Variants in BAG3 observed in about 807,000 individuals in gnomAD.
The protein encoded by BAG3 is BAG family molecular chaperone regulator 3.
In BAG3, 14 loss-of-function variants were observed where a neutral mutation model predicts 40.5. The observed-to-expected ratio is 0.35, with a 90% CI of 0.23 to 0.54. The LOEUF (loss-of-function observed/expected upper bound fraction) is 0.54, where lower values mean the gene tolerates loss of function less well. Ranked by LOEUF, BAG3 falls within the 20% of genes least tolerant of loss-of-function variation. BAG3 has a pLI of 0.91. For synonymous variants in BAG3, 302 were observed against 307.8 expected (o/e 0.98, Z 0.20); for missense variants, 788 against 758.6 (o/e 1.04, Z -0.46).
chr10:119,665,128 A>G (rs12779211), intron 1 of BAG3, among the ~76,000 whole-genome samples: 15,630 of 62,006 alleles, frequency 0.25, 1,728 homozygotes, highest in South Asian at 0.34. Flanking sequence ...GTGTGTGTGT[A>G]TATATATATA....
intron 1 of BAG3, among the ~76,000 whole-genome samples, chr10:119,652,440 C>CAT (rs1341655245): frequency 4.3e-4 from 65 of 152,252 alleles, no homozygotes; most frequent in East Asian, 1.9e-3. Context: ...TCAAAACATT[C>CAT]ATATATATAT....
In BAG3 at chr10:119,665,136, A is replaced by AT. The variant is rs1430985995; in HGVS notation, c.181-4714dup. Among the ~76,000 whole-genome samples the AT allele has an allele frequency of 3.6e-3, 266 of 73,162 alleles. 5 individuals are homozygous for AT. Among genetic ancestry groups the AT allele is most frequent in the African/African-American group, 0.012 (235 of 19,076 alleles). 48.0% of individuals were successfully genotyped at this position (73,162 alleles called of 152,430 possible). On this transcript the variant is annotated intron_variant, in intron 1 of 3. Coordinates refer to ENST00000369085, the MANE Select transcript of BAG3 (RefSeq NM_004281.4). ...TGTGTGTGTGTGTGTGTATATATAT[A>AT]TATATATATTTTTTTTTTTAGTTGG...
rs747820097 is a variant in BAG3, at chr10:119,651,808, C to T, written c.133C>T (p.Arg45Cys). ...GWPFFVDHNS[R>C]TTTWNDPRVP... ...GCCCTTCTTCGTGGACCACAACAGC[C>T]GCACCACTACGTGGAACGACCCGCG... is the stretch of plus-strand genomic sequence containing the variant. Residue 45 changes from arginine to cysteine, a missense_variant, in exon 1 of 4, where the codon CGC becomes TGC. Physicochemically the swap from Arg to Cys is radical, Grantham distance 180. Transcript: ENST00000369085. The T allele has an allele frequency of 1.5e-5, 24 of 1,597,936 alleles. No homozygotes were observed. Among genetic ancestry groups the T allele is most frequent in the African/African-American group, 5.4e-5 (4 of 73,458 alleles).
chr10:119,657,684 A>G (rs1846931831), intron 1 of BAG3: 1 of 460,276 alleles, frequency 2.2e-6, no homozygotes, highest in Admixed American at 2.5e-5. Flanking sequence ...TTCTCTGCAC[A>G]AAGGACTTCA....
In BAG3 at chr10:119,677,126, C is replaced by T; in HGVS notation, c.1572C>T (p.Ile524=). 6.2e-7 allele frequency: 1 copy of T among 1,614,154 alleles called. No individual in the cohort carries two copies. The highest frequency in any genetic ancestry group is 8.5e-7 in the Non-Finnish European group (1 of 1,180,030). ...NLEADQPLQA[I]MEMGAVAADK... is the part of the protein sequence containing the mutation. ...AAGCAGATCAGCCACTGCAGGCAATCATGGAGATGGGTGCCGTGGCAGCAG... is the reference window on the plus strand; with the variant it reads ...AAGCAGATCAGCCACTGCAGGCAATTATGGAGATGGGTGCCGTGGCAGCAG... Residue 524 remains isoleucine (I), a synonymous_variant, in exon 4 of 4, where the codon ATC becomes ATT. Coordinates refer to ENST00000369085, the MANE Select transcript of BAG3 (RefSeq NM_004281.4).
chr10:119,652,634 C>T (rs988968736), intron 1 of BAG3, among the ~76,000 whole-genome samples: 42 of 152,290 alleles, frequency 2.8e-4, no homozygotes, highest in African/African-American at 1.0e-3. Context: ...CATTGCCTCA[C>T]ACTGGAGAGA....
chr10:119,667,097 C>T (rs1316300253), intron 1 of BAG3, among the ~76,000 whole-genome samples: 1 of 152,194 alleles, frequency 6.6e-6, no homozygotes, highest in Non-Finnish European at 1.5e-5. Context: ...CTGCCTCAGC[C>T]TCCTGAATAG....
chr10:119,655,562 T>C (rs958291618), intron 1 of BAG3, among the ~76,000 whole-genome samples: 1 of 152,208 alleles, frequency 6.6e-6, no homozygotes, highest in Non-Finnish European at 1.5e-5. Flanking sequence ...TCTTTCCAGA[T>C]CTATTGCAAG....
chr10:119,653,763 A>C (rs1846874157), intron 1 of BAG3, among the ~76,000 whole-genome samples: 1 of 152,206 alleles, frequency 6.6e-6, no homozygotes, highest in South Asian at 2.1e-4. Context: ...GTGACTTTGA[A>C]GGTCATCCAG....
intron 1 of BAG3, among the ~76,000 whole-genome samples, chr10:119,656,953 G>A (rs1455434538): frequency 6.6e-6 from 1 of 152,110 alleles, no homozygotes; most frequent in Admixed American, 6.5e-5. Context: ...AGACTTCTGT[G>A]GCTTTACCCC....
chr10:119,671,915 A>C (rs925584899), intron 2 of BAG3, among the ~76,000 whole-genome samples: 1 of 152,156 alleles, frequency 6.6e-6, no homozygotes, highest in Non-Finnish European at 1.5e-5. Context: ...CAGCCTCCTG[A>C]GTAGCTGGCA....
In BAG3 at chr10:119,651,385, C is replaced by G; in HGVS notation, c.-291C>G. The G allele has an allele frequency of 3.1e-6, 1 of 317,930 alleles. No individual in the cohort carries two copies. The highest frequency in any genetic ancestry group is 1.2e-4 in the South Asian group (1 of 8,628). 19.7% of individuals were successfully genotyped at this position (317,930 alleles called of 1,614,324 possible). On this transcript the variant is annotated 5_prime_UTR_variant, in exon 1 of 4. Coordinates refer to ENST00000369085, the MANE Select transcript of BAG3 (RefSeq NM_004281.4). ...ATGACTCAGGGCGGAGCTCCGCATCCAACCCCGGGCCGCGGCCAACTTCTC... is the reference window on the plus strand; with the variant it reads ...ATGACTCAGGGCGGAGCTCCGCATCGAACCCCGGGCCGCGGCCAACTTCTC...
At chr10:119,669,315 A>G (rs1589628433) in intron 1 of BAG3, among the ~76,000 whole-genome samples, 1 of 152,298 alleles carries the variant, frequency 6.6e-6, no homozygotes, top group East Asian at 1.9e-4. Flanking sequence ...TTGTTCTAAC[A>G]ATACTCCTGA....
chr10:119,669,930 C>T lies in BAG3; in HGVS notation c.260C>T (p.Pro87Leu). 1 of 1,614,258 alleles carries T rather than the reference C, an allele frequency of 6.2e-7. No individual in the cohort carries two copies. The highest frequency in any genetic ancestry group is 1.1e-5 in the South Asian group (1 of 91,088). ...PPAREGHPVY[P>L]QLRPGYIPIP... The stretch of plus-strand genomic sequence containing the variant: ...GCTAGGGAAGGCCACCCTGTGTACC[C>T]CCAGCTCCGACCAGGCTACATTCCC... The change falls in exon 2 of 4, where the codon CCC becomes CTC. Residue 87 changes from proline to leucine, a missense_variant. Physicochemically the swap from Pro to Leu is moderately conservative, Grantham distance 98. Coordinates refer to ENST00000369085, the MANE Select transcript of BAG3 (RefSeq NM_004281.4).
At chr10:119,661,424 G>A (rs1284083006) in intron 1 of BAG3, among the ~76,000 whole-genome samples, 1 of 152,138 alleles carries the variant, frequency 6.6e-6, no homozygotes, top group Non-Finnish European at 1.5e-5. Context: ...ACAGTAGCAA[G>A]GAGTCCTGTC....
rs2134063438 is a variant in BAG3 at position 119,670,045 on chromosome 10, G to T, written c.375G>T (p.Glu125Asp). 1.9e-6 allele frequency: 3 copies of T among 1,614,236 alleles called. No individual in the cohort carries two copies. The highest frequency in any genetic ancestry group is 2.5e-6 in the Non-Finnish European group (3 of 1,180,046). The change falls in exon 2 of 4, where the codon GAG (glutamate) becomes GAT (aspartate). Residue 125 changes from glutamate (E) to aspartate (D), a missense_variant. Transcript: ENST00000369085. ...PQPGMQRFRT[E>D]AAAAAPQRSQ... ...CTGGGATGCAGCGATTCCGAACTGA[G>T]GCGGCAGCAGCGGCTCCTCAGAGGT...
chr10:119,652,132 G>A (rs1361657336), intron 1 of BAG3, among the ~76,000 whole-genome samples: 2 of 152,096 alleles, frequency 1.3e-5, no homozygotes, highest in Non-Finnish European at 2.9e-5. Flanking sequence ...GCCGTCCACG[G>A]CTCGACTCCA....
Position 119,658,393 on chromosome 10 carries a change from G to A in BAG3, c.180+6538G>A, listed in dbSNP as rs17099136. 9.6e-3 allele frequency among the ~76,000 whole-genome samples: 1,464 copies of A among 152,338 alleles called. 23 individuals are homozygous for A. Among genetic ancestry groups the A allele is most frequent in the African/African-American group, 0.033 (1,382 of 41,568 alleles). ...GCGCTCCATGCCGGGCGTCCCTGCAGTCTTGGGGCTGTGGTGACTCAGAAT... is the reference window on the plus strand; with the variant it reads ...GCGCTCCATGCCGGGCGTCCCTGCAATCTTGGGGCTGTGGTGACTCAGAAT... On this transcript the variant is annotated intron_variant, in intron 1 of 3. Transcript: ENST00000369085.
rs1026422168 is a variant in BAG3 at position 119,651,485 on chromosome 10, A to T, written c.-191A>T. 2.2e-6 allele frequency: 1 copy of T among 456,442 alleles called. No homozygotes were observed. Among genetic ancestry groups the T allele is most frequent in the Non-Finnish European group, 3.7e-6 (1 of 268,696 alleles). 28.3% of individuals were successfully genotyped at this position (456,442 alleles called of 1,614,324 possible). On this transcript the variant is annotated 5_prime_UTR_variant, in exon 1 of 4. Transcript: ENST00000369085. ...TCCTCCTTCCCCTCTGGCAGCGAGG[A>T]GGCTATTTCCAGACACTTCCACCCC...
Sources: gnomAD v4.1 joint callset for allele counts (sites outside exome capture counted in the v4.1 genomes callset) on GRCh38, gnomAD v4.1.1 for gene constraint, MANE v1.5 for transcripts, NCBI Gene and HGNC (gene_info 2026-07-23, HGNC 2026-07-21) for gene names.